FYCO1: variants seen among roughly 807,000 people sequenced by gnomAD.
FYCO1 encodes FYVE and coiled-coil domain autophagy adaptor 1.
Under a neutral mutation model 165.1 loss-of-function variants are expected in FYCO1, and 122 were observed. The observed-to-expected ratio is 0.74, with a 90% CI of 0.64 to 0.86. The LOEUF is 0.86. Among genes scored for constraint, FYCO1 ranks in the 40% least tolerant of loss-of-function variants. The probability of loss-of-function intolerance (pLI) is 0.00; values close to 1 mark genes in which losing one functional copy is unlikely to be tolerated. For synonymous variants in FYCO1, 648 were observed against 742.5 expected, an observed-to-expected ratio of 0.87 and a Z score of 2.07; for missense variants, 1,702 against 1,810.3, an observed-to-expected ratio of 0.94 and a Z score of 1.09.
chr3:45,926,880 C>T (rs2125791651), intron 16 of FYCO1, among the ~76,000 whole-genome samples: 1 of 151,884 alleles, frequency 6.6e-6, no homozygotes, highest in East Asian at 1.9e-4. Flanking sequence ...AGGAGAATCG[C>T]TTGAACCTGG....
intron 14 of FYCO1, among the ~76,000 whole-genome samples, chr3:45,949,474 A>T (rs1337374824): frequency 6.6e-6 from 1 of 152,160 alleles, no homozygotes; most frequent in Non-Finnish European, 1.5e-5. Flanking sequence ...GTCCCCATGG[A>T]GAGATGCAGA....
At position 45,921,791 on chromosome 3, in the gene FYCO1, T is replaced by C. The variant is rs138116690; in HGVS notation, c.4411A>G (p.Ile1471Val). ...TACAGGAAATCACTTCCATCGTAGA[T>C]CACAGGCCGATCAACCGTCAAGTGA... ...FYHLTVDRPV[I>V]YDGSDFL Residue 1471 changes from isoleucine (I) to valine (V), a missense_variant, in exon 18 of 18, where the codon ATC (isoleucine) becomes GTC (valine). Physicochemically the swap from Ile to Val is conservative, Grantham distance 29. Transcript: ENST00000296137. 64 of 1,612,684 alleles carry C rather than the reference T, an allele frequency of 4.0e-5. No individual in the cohort carries two copies. The highest frequency in any genetic ancestry group is 5.3e-5 in the Non-Finnish European group (62 of 1,178,772).
chr3:45,970,673 C>T (rs778289141), intron 6 of FYCO1, among the ~76,000 whole-genome samples: 19 of 152,080 alleles, frequency 1.2e-4, no homozygotes, highest in Admixed American at 5.9e-4. Flanking sequence ...ATAAAAGCAG[C>T]CATGGACAAC....
intron 16 of FYCO1, among the ~76,000 whole-genome samples, chr3:45,926,833 G>A (rs7631809): frequency 0.22 from 34,095 of 152,038 alleles, 4,033 homozygotes; most frequent in East Asian, 0.3. Context: ...GCATGGTGGC[G>A]CATGCCTGTA....
In FYCO1 at chr3:45,937,650, G is replaced by T. The variant is rs145370036; in HGVS notation, c.3945-1107C>A. Among the ~76,000 whole-genome samples the T allele has an allele frequency of 2.0e-5, 3 of 152,336 alleles. No individual in the cohort carries two copies. In the East Asian group the frequency reaches 5.8e-4, roughly 29 times the overall value. On this transcript the variant is annotated intron_variant, in intron 14 of 17. Coordinates refer to ENST00000296137, the MANE Select transcript of FYCO1 (RefSeq NM_024513.4). ...GCTCAGAAAGAAGTGGGCTTGCTCT[G>T]GTCAGCAGCTTCCTGCCCACAGCCT...
intron 5 of FYCO1, 38 bp from the exon 6 acceptor site, chr3:45,973,269 T>C (rs200688135): frequency 1.0e-5 from 16 of 1,605,884 alleles, no homozygotes; most frequent in Admixed American, 1.7e-5. Flanking sequence ...GTAATAAAGA[T>C]AAAGTATGAA....
At chr3:45,941,865 C>T (rs1459613896) in intron 14 of FYCO1, among the ~76,000 whole-genome samples, 1 of 152,208 alleles carries the variant, frequency 6.6e-6, no homozygotes, top group Non-Finnish European at 1.5e-5. Context: ...TAAAACTCAG[C>T]TCTCAAAGCT....
intron 4 of FYCO1, among the ~76,000 whole-genome samples, chr3:45,979,215 A>C (rs940664137): frequency 6.6e-6 from 1 of 152,262 alleles, no homozygotes; most frequent in African/African-American, 2.4e-5. Flanking sequence ...TGAGGGGCGC[A>C]GAATTTAAAG....
chr3:45,970,940 A>G (rs1202405508), intron 6 of FYCO1, among the ~76,000 whole-genome samples: 2 of 152,046 alleles, frequency 1.3e-5, no homozygotes, highest in African/African-American at 4.8e-5. Flanking sequence ...ATGAAAGCAT[A>G]AGATCTGAGA....
intron 14 of FYCO1, among the ~76,000 whole-genome samples, chr3:45,952,277 T>C (rs1485757791): frequency 2.6e-5 from 4 of 152,200 alleles, no homozygotes; most frequent in African/African-American, 7.2e-5. Flanking sequence ...GATCCCTTCT[T>C]ACCTTGGATT....
Position 45,921,520 on chromosome 3 carries a change from T to A in FYCO1, c.*245A>T, listed in dbSNP as rs1703089721. The A allele has an allele frequency of 7.9e-6, 4 of 507,616 alleles. No homozygotes were observed. In the Admixed American group the frequency reaches 1.3e-4, roughly 16 times the overall value. 31.4% of individuals were successfully genotyped at this position (507,616 alleles called of 1,614,324 possible). On this transcript the variant is annotated 3_prime_UTR_variant, in exon 18 of 18. Transcript: ENST00000296137. ...ACCTTTGGCAGAGCATCCCTTTGGGTGTGACAACAGCTGAGTCTCTACTTA... is the reference window on the plus strand; with the variant it reads ...ACCTTTGGCAGAGCATCCCTTTGGGAGTGACAACAGCTGAGTCTCTACTTA...
intron 14 of FYCO1, chr3:45,947,666 AC>A: frequency 7.7e-6 from 5 of 645,746 alleles, no homozygotes; most frequent in Non-Finnish European, 1.4e-5. Flanking sequence ...TCAGGCATGA[AC>A]ATGTACTGTT....
intron 4 of FYCO1, among the ~76,000 whole-genome samples, chr3:45,977,306 A>T (rs1333735198): frequency 1.4e-5 from 2 of 144,972 alleles, no homozygotes; most frequent in East Asian, 3.9e-4. Flanking sequence ...TTTAATGGCA[A>T]ACATTTGAGG....
rs146337714 is a variant in FYCO1, at chr3:45,927,223, A to G, written c.4252-3458T>C. On this transcript the variant is annotated intron_variant, in intron 16 of 17. Coordinates refer to ENST00000296137, the MANE Select transcript of FYCO1 (RefSeq NM_024513.4). ...TGTATCTTATGTGTGGCCCAAGACA[A>G]TTCTTCCAACGAGGCCCAGGGAAGC... Among the ~76,000 whole-genome samples the G allele has an allele frequency of 3.4e-4, 52 of 152,270 alleles. No homozygotes were observed. In the East Asian group the frequency reaches 9.4e-3, roughly 28 times the overall value.
chr3:45,980,515 AGCTCTG>A (rs1706991666), intron 3 of FYCO1, among the ~76,000 whole-genome samples: 1 of 152,240 alleles, frequency 6.6e-6, no homozygotes, highest in Admixed American at 6.5e-5. Flanking sequence ...AATAAATGTC[AGCTCTG>A]AGTCATTTCA....
At position 45,962,099 on chromosome 3, in the gene FYCO1, G is replaced by T. The variant is rs1414793520; in HGVS notation, c.3437+126C>A. The T allele has an allele frequency of 5.8e-6, 6 of 1,033,292 alleles. No homozygotes were observed. The highest frequency in any genetic ancestry group is 4.5e-6 in the Non-Finnish European group (3 of 662,452). The allele number at this position is 1,033,292 out of a possible 1,614,324, so 64.0% of individuals were successfully genotyped here. ...AAGTGAGATGGAGAAGGAGAGAGGG[G>T]CTCCTGAGACAGCAGCAAGAAAGTG... On this transcript the variant is annotated intron_variant, in intron 11 of 17. Coordinates refer to ENST00000296137, the MANE Select transcript of FYCO1 (RefSeq NM_024513.4). This position sits in a 1 kb window ranked among gnomAD's most constrained non-coding sequence, Gnocchi z 4.4.
rs576262442 is a variant in FYCO1 at position 45,946,826 on chromosome 3, G to A, written c.3944+8423C>T. 459 of 1,614,148 alleles carry A rather than the reference G, an allele frequency of 2.8e-4. 4 individuals are homozygous for A. The South Asian group carries it at 4.5e-3, about 16-fold the overall frequency. On this transcript the variant is annotated intron_variant, in intron 14 of 17. Transcript: ENST00000296137. Reference sequence around the variant, plus strand: ...GCATCTACACTATTAACTTCTACACGTCCATGCTCATCCTCACCTGCATCA... The same window carrying A: ...GCATCTACACTATTAACTTCTACACATCCATGCTCATCCTCACCTGCATCA...
chr3:45,931,488 T>C (rs1337122235), intron 15 of FYCO1, among the ~76,000 whole-genome samples: 1 of 152,182 alleles, frequency 6.6e-6, no homozygotes, highest in Non-Finnish European at 1.5e-5. Flanking sequence ...ATGCCTGGCA[T>C]AGGTCTAGGC....
rs1705565129 is a variant in FYCO1 at position 45,959,442 on chromosome 3, G to C, written c.3538C>G (p.Leu1180Val). The C allele has an allele frequency of 6.2e-7, 1 of 1,614,110 alleles. No individual in the cohort carries two copies. The highest frequency in any genetic ancestry group is 1.7e-5 in the Admixed American group (1 of 60,022). The part of the protein sequence containing the change: ...WLGDTEANHC[L>V]DCKREFSWMV... ...CAGCTGAACTCCCGCTTACAGTCGA[G>C]GCAGTGGTTTGCCTCTGTGTCTCCG... The change falls in exon 12 of 18, where the codon CTC becomes GTC. Residue 1180 changes from leucine (L) to valine (V), a missense_variant. Transcript: ENST00000296137.
Sources: allele counts gnomAD v4.1 joint callset (sites outside exome capture counted in the v4.1 genomes callset), GRCh38; gene constraint gnomAD v4.1.1; non-coding constraint Gnocchi (gnomAD v3.1); transcripts MANE v1.5; gene names NCBI Gene and HGNC (gene_info 2026-07-23, HGNC 2026-07-21).